The following IGDCC4 variants were observed in gnomAD, a reference collection of about 807,000 sequenced individuals.
The protein encoded by IGDCC4 is likely ortholog of mouse neighbor of Punc E11.
A neutral mutation model predicts 116.6 loss-of-function variants in IGDCC4; 72 were observed. The ratio of observed to expected loss-of-function variants is 0.62; its 90% confidence interval spans 0.51 to 0.75. IGDCC4 has a LOEUF of 0.75. Among genes scored for constraint, IGDCC4 ranks in the 30% least tolerant of loss-of-function variants. The pLI, the probability that IGDCC4 is intolerant of heterozygous loss-of-function variation, is 0.00. For missense variants in IGDCC4, 1,501 were observed against 1,662.4 expected, an observed-to-expected ratio of 0.90 and a Z score of 1.69; for synonymous variants, 709 against 719.9, an observed-to-expected ratio of 0.98 and a Z score of 0.24.
chr15:65,385,353 C>T (rs1026919111), intron 18 of IGDCC4: 1 of 567,880 alleles, frequency 1.8e-6, no homozygotes, highest in Admixed American at 3.5e-5. Context: ...GCAAAGCCCG[C>T]GGTGTCCGAG....
chr15:65,407,806 T>TG (rs1414623838), intron 3 of IGDCC4, among the ~76,000 whole-genome samples: 1 of 151,186 alleles, frequency 6.6e-6, no homozygotes, highest in African/African-American at 2.4e-5. Context: ...TTTGTATTTT[T>TG]TTTTTTTTTA....
intron 1 of IGDCC4, among the ~76,000 whole-genome samples, chr15:65,418,923 G>A (rs2063166934): frequency 6.6e-6 from 1 of 152,180 alleles, no homozygotes; most frequent in African/African-American, 2.4e-5. Context: ...ATAGAGGAGT[G>A]CAAAGAGAGT....
chr15:65,416,550 A>G (rs1248889361), intron 1 of IGDCC4, among the ~76,000 whole-genome samples: 1 of 151,882 alleles, frequency 6.6e-6, no homozygotes, highest in Non-Finnish European at 1.5e-5. Context: ...TGGGGAGGGG[A>G]CCTTATTTGT....
chr15:65,408,580 A>G (rs952934973), intron 3 of IGDCC4, among the ~76,000 whole-genome samples: 3 of 152,250 alleles, frequency 2.0e-5, no homozygotes, highest in African/African-American at 7.2e-5. Context: ...AGCACTTCTC[A>G]GGGCCTTGCC....
chr15:65,396,450 C>T lies in IGDCC4; in HGVS notation c.998-287G>A, dbSNP rs375274933. On this transcript the variant is annotated intron_variant, in intron 6 of 19. Coordinates refer to ENST00000352385, the MANE Select transcript of IGDCC4 (RefSeq NM_020962.3). ...TTGCTCCTCCCGGATCTAACCCCACCCCTAAATTTACCCATCTCCTTCCTC... is the reference window on the plus strand; with the variant it reads ...TTGCTCCTCCCGGATCTAACCCCACTCCTAAATTTACCCATCTCCTTCCTC... 1.8e-5 allele frequency: 11 copies of T among 607,012 alleles called. No individual in the cohort carries two copies. In the African/African-American group the frequency reaches 2.0e-4, roughly 11 times the overall value. 37.6% of individuals were successfully genotyped at this position (607,012 alleles called of 1,614,324 possible). A position where few individuals can be genotyped will look rare whatever the true frequency, so the allele number is the denominator to read the frequency against.
In IGDCC4 at chr15:65,385,947, C is replaced by T; in HGVS notation, c.3064G>A (p.Val1022Met). Reference protein sequence around the residue: ...PPAAHELESLVHPHPQDWSPP... With the variant: ...PPAAHELESLMHPHPQDWSPP... ...GACCAGTCCTGGGGATGGGGGTGCA[C>T]AAGGGACTCCAATTCATGGGCAGCT... Residue 1022 changes from valine (V) to methionine (M), a missense_variant, in exon 18 of 20, where the codon GTG becomes ATG. Around this residue, in one of 3 missense-constraint regions of IGDCC4, gnomAD observed 368 missense variants for 355.6 expected, o/e 1.03. Transcript: ENST00000352385. The T allele has an allele frequency of 6.3e-7, 1 of 1,599,646 alleles. No homozygotes were observed. The highest frequency in any genetic ancestry group is 1.1e-5 in the South Asian group (1 of 90,368).
chr15:65,412,511 C>CAAAAAAAAAAA lies in IGDCC4; in HGVS notation c.71-1152_71-1142dup, dbSNP rs3082805. On this transcript the variant is annotated intron_variant, in intron 1 of 19. Coordinates refer to ENST00000352385, the MANE Select transcript of IGDCC4 (RefSeq NM_020962.3). ...TGGGTGACAGAATGAGATTCCATCT[C>CAAAAAAAAAAA]AAAAAAAAAAAAAAAAAAAAAAAAA... 2.5e-3 allele frequency among the ~76,000 whole-genome samples: 41 copies of CAAAAAAAAAAA among 16,718 alleles called. 13 individuals are homozygous for CAAAAAAAAAAA. The highest frequency in any genetic ancestry group is 5.6e-3 in the East Asian group (3 of 532). 11.0% of individuals were successfully genotyped at this position (16,718 alleles called of 152,430 possible).
chr15:65,398,331 C>T (rs1358300510), intron 5 of IGDCC4, among the ~76,000 whole-genome samples: 6 of 148,794 alleles, frequency 4.0e-5, no homozygotes, highest in South Asian at 4.4e-4. Flanking sequence ...GTCAGGAGTT[C>T]GAAACCAGAC....
intron 18 of IGDCC4, chr15:65,385,576 TG>T: frequency 1.7e-6 from 1 of 593,062 alleles, no homozygotes; most frequent in Non-Finnish European, 3.0e-6. Flanking sequence ...GGGAGCTGGG[TG>T]TTCTGGCTAC....
rs1371543946 is a variant in IGDCC4, at chr15:65,395,095, A to G, written c.1575T>C (p.Asp525=). Residue 525 remains aspartate, a splice_region_variant and synonymous_variant, in exon 8 of 20, where the codon GAT becomes GAC. Transcript: ENST00000352385. Reference sequence around the variant, plus strand: ...CCACTGCGAGTTCAGAGGCCCTACCATCATCCAGTGTGTGCACCAGTGCTG... The same window carrying G: ...CCACTGCGAGTTCAGAGGCCCTACCGTCATCCAGTGTGTGCACCAGTGCTG... ...STPALVHTLD[D]VPSAAPQLSL... is the part of the protein sequence containing the mutation. 1.2e-6 allele frequency: 2 copies of G among 1,604,262 alleles called. No homozygotes were observed. Among genetic ancestry groups the G allele is most frequent in the African/African-American group, 1.3e-5 (1 of 74,872 alleles).
At chr15:65,408,437 G>T (rs1388157404) in intron 3 of IGDCC4, among the ~76,000 whole-genome samples, 3 of 152,240 alleles carry the variant, frequency 2.0e-5, no homozygotes, top group Non-Finnish European at 4.4e-5. Flanking sequence ...TCAAATGTCA[G>T]TGTTAGAAAG....
chr15:65,405,587 A>G (rs1595789155), intron 3 of IGDCC4, among the ~76,000 whole-genome samples: 1 of 152,254 alleles, frequency 6.6e-6, no homozygotes, highest in Non-Finnish European at 1.5e-5. Context: ...TTGAGCTCAC[A>G]TTAGATAACG....
In IGDCC4 at chr15:65,382,368, G is replaced by C. The variant is rs1007450298; in HGVS notation, c.*1641C>G. 6 of 148,382 alleles carry C rather than the reference G, an allele frequency of 4.0e-5. No individual in the cohort carries two copies. The highest frequency in any genetic ancestry group is 1.5e-4 in the African/African-American group (6 of 39,984). The allele number at this position is 148,382 out of a possible 1,614,324, so 9.2% of individuals were successfully genotyped here. On this transcript the variant is annotated 3_prime_UTR_variant, in exon 20 of 20. Transcript: ENST00000352385. ...ATAAACACAGATGCTTTCAGGGTTT[G>C]AGGAAGCCGCAACTGTGCTGAGAGA...
intron 1 of IGDCC4, among the ~76,000 whole-genome samples, chr15:65,418,956 G>T (rs1481177232): frequency 6.6e-6 from 1 of 152,080 alleles, no homozygotes. Flanking sequence ...CCCTAGAAAG[G>T]GTGGCCCCAT....
rs1346800045 is a variant in IGDCC4, at chr15:65,394,560, G to C, written c.1577-12C>G. 6.3e-7 allele frequency: 1 copy of C among 1,588,508 alleles called. No homozygotes were observed. Among genetic ancestry groups the C allele is most frequent in the Admixed American group, 1.8e-5 (1 of 57,078 alleles). On this transcript the variant is annotated splice_polypyrimidine_tract_variant and intron_variant, in intron 8 of 19. Transcript: ENST00000352385. ...TGCTGCACTGGGGACTGAGACAGAAGAACATCAGCATGAGCTCTGCTCCAC... is the reference window on the plus strand; with the variant it reads ...TGCTGCACTGGGGACTGAGACAGAACAACATCAGCATGAGCTCTGCTCCAC...
chr15:65,407,326 T>C (rs1014754926), intron 3 of IGDCC4, among the ~76,000 whole-genome samples: 4 of 151,958 alleles, frequency 2.6e-5, no homozygotes, highest in African/African-American at 9.7e-5. Flanking sequence ...AAACCTAGTA[T>C]GTACAATATA....
chr15:65,384,369 A>T lies in IGDCC4; in HGVS notation c.3393T>A (p.Ala1131=). The T allele has an allele frequency of 6.4e-7, 1 of 1,550,710 alleles. No homozygotes were observed. Residue 1131 remains alanine (A), a synonymous_variant, in exon 20 of 20, where the codon GCT becomes GCA. Transcript: ENST00000352385. This position sits in a 1 kb window ranked among gnomAD's most constrained non-coding sequence, Gnocchi z 4.9. ...TAAAGTCAGAGTGGACAATGACTTCAGCCTCCACCTGGTTCCTGCAGGCTG... is the reference window on the plus strand; with the variant it reads ...TAAAGTCAGAGTGGACAATGACTTCTGCCTCCACCTGGTTCCTGCAGGCTG... The part of the protein sequence containing the change: ...SPPACRNQVE[A]EVIVHSDFSA...
intron 14 of IGDCC4, 63 bp from the exon 15 acceptor site, chr15:65,389,041 G>T: frequency 8.6e-7 from 1 of 1,166,974 alleles, no homozygotes; most frequent in South Asian, 1.5e-5. Context: ...ATGATGATAT[G>T]ACCTCCCTTC....
chr15:65,403,459 G>C (rs2063009373), intron 3 of IGDCC4, among the ~76,000 whole-genome samples: 1 of 152,050 alleles, frequency 6.6e-6, no homozygotes. Flanking sequence ...TTTACCCCTT[G>C]CCCATACTAC....
Sources: allele counts gnomAD v4.1 joint callset (sites outside exome capture counted in the v4.1 genomes callset), GRCh38; gene constraint gnomAD v4.1.1; regional missense constraint gnomAD v4.1.1; non-coding constraint Gnocchi (gnomAD v3.1); transcripts MANE v1.5; gene names NCBI Gene and HGNC (gene_info 2026-07-23, HGNC 2026-07-21).